Variants in PIWIL2 observed in about 807,000 individuals in gnomAD.
PIWIL2 encodes piwi like RNA-mediated gene silencing 2.
Under a neutral mutation model 116.5 loss-of-function variants are expected in PIWIL2, and 81 were observed. That is an observed-to-expected ratio of 0.70 (90% confidence interval 0.58 to 0.84). The LOEUF is 0.84. PIWIL2 is among the 40% of genes least tolerant of loss of function. PIWIL2 has a pLI of 0.00. For missense variants in PIWIL2, 1,272 were observed against 1,212.3 expected, an observed-to-expected ratio of 1.05 and a Z score of -0.73; for synonymous variants, 489 against 429.5, an observed-to-expected ratio of 1.14 and a Z score of -1.71.
chr8:22,287,557 T>G lies in PIWIL2; in HGVS notation c.773T>G (p.Phe258Cys). The G allele has an allele frequency of 6.2e-7, 1 of 1,613,692 alleles. No homozygotes were observed. Among genetic ancestry groups the G allele is most frequent in the Non-Finnish European group, 8.5e-7 (1 of 1,179,554 alleles). Residue 258 changes from phenylalanine (F) to cysteine (C), a missense_variant, in exon 7 of 23, where the codon TTC becomes TGC. Transcript: ENST00000356766. ...SPNVECKSMR[F>C]GMLKDHQAVT... ...AATGTGGAGTGCAAAAGCATGAGGT[T>G]CGGCATGTTGAAGGACCATCAAGCT...
At chr8:22,342,020 G>A (rs925045307) in intron 20 of PIWIL2, among the ~76,000 whole-genome samples, 2 of 149,376 alleles carry the variant, frequency 1.3e-5, no homozygotes, top group Admixed American at 1.3e-4. Context: ...CTGTGTACCA[G>A]CAGTGAACAA....
chr8:22,308,073 G>C lies in PIWIL2; in HGVS notation c.1686G>C (p.Lys562Asn). ...WGLRLQKDVHKIEGRVLPMER... is the reference protein window; with the variant it reads ...WGLRLQKDVHNIEGRVLPMER... ...TCCGTCTGCAAAAGGATGTACATAA[G>C]GTAAACCAAAAAACGTGATGGTGTA... The change falls in exon 14 of 23, where the codon AAG becomes AAC. Residue 562 changes from lysine to asparagine, a missense_variant and splice_region_variant. By Grantham distance (94) the Lys-to-Asn change is moderately conservative (BLOSUM62 0). Transcript: ENST00000356766. The C allele has an allele frequency of 6.2e-7, 1 of 1,611,806 alleles. No homozygotes were observed. The highest frequency in any genetic ancestry group is 8.5e-7 in the Non-Finnish European group (1 of 1,178,576).
chr8:22,354,514 T>C (rs1180111321), intron 22 of PIWIL2, 136 bp downstream of exon 22: 2 of 537,870 alleles, frequency 3.7e-6, no homozygotes, highest in African/African-American at 3.8e-5. Flanking sequence ...TGGTGTCTTT[T>C]TGAGGAGAGA....
intron 10 of PIWIL2, among the ~76,000 whole-genome samples, chr8:22,292,634 C>T (rs1434578684): frequency 1.3e-5 from 2 of 152,168 alleles, no homozygotes; most frequent in African/African-American, 4.8e-5. Flanking sequence ...CAATTATTGG[C>T]TTTTATTTGG....
At chr8:22,336,545 G>C (rs1441421931) in intron 20 of PIWIL2, among the ~76,000 whole-genome samples, 1 of 152,016 alleles carries the variant, frequency 6.6e-6, no homozygotes, top group Non-Finnish European at 1.5e-5. Flanking sequence ...AAACAAACCA[G>C]CTTCCACCTT....
chr8:22,277,569 G>A (rs1330300022), intron 1 of PIWIL2, among the ~76,000 whole-genome samples: 1 of 151,876 alleles, frequency 6.6e-6, no homozygotes, highest in Non-Finnish European at 1.5e-5. Context: ...ACAGGGTCTC[G>A]TTGTGTTCCT....
chr8:22,295,092 AT>A (rs1830866490), intron 10 of PIWIL2, among the ~76,000 whole-genome samples: 2 of 151,706 alleles, frequency 1.3e-5, no homozygotes, highest in Non-Finnish European at 2.9e-5. Flanking sequence ...GAAAAAAAAA[AT>A]ATTTTTATTT....
At chr8:22,303,548 C>T (rs1448869031) in intron 10 of PIWIL2, among the ~76,000 whole-genome samples, 1 of 152,054 alleles carries the variant, frequency 6.6e-6, no homozygotes, top group Non-Finnish European at 1.5e-5. Context: ...AGGTACGCCA[C>T]TACACCTGGC....
chr8:22,325,918 C>T (rs1473060966), intron 20 of PIWIL2, among the ~76,000 whole-genome samples: 5 of 152,182 alleles, frequency 3.3e-5, no homozygotes, highest in Non-Finnish European at 7.3e-5. Context: ...GTAAGTCCAA[C>T]TTGCCAGCCA....
intron 5 of PIWIL2, 62 bp downstream of exon 5, chr8:22,283,302 C>A: frequency 7.7e-7 from 1 of 1,306,660 alleles, no homozygotes; most frequent in Non-Finnish European, 1.1e-6. Context: ...CATTTTGGCT[C>A]GTGTGTAGTA....
At chr8:22,305,035 C>T (rs539286556) in intron 12 of PIWIL2, among the ~76,000 whole-genome samples, 167 bp downstream of exon 12, 1 of 152,132 alleles carries the variant, frequency 6.6e-6, no homozygotes, top group Admixed American at 6.5e-5. Context: ...GCACCACTCA[C>T]ACTGGTAAGA....
At position 22,288,637 on chromosome 8, in the gene PIWIL2, C is replaced by T. The variant is rs149731272; in HGVS notation, c.957C>T (p.Cys319=). Residue 319 remains cysteine, a synonymous_variant, in exon 8 of 23, where the codon TGC becomes TGT. Coordinates refer to ENST00000356766, the MANE Select transcript of PIWIL2 (RefSeq NM_018068.5). ...TKILEPCSDL[C]IPFYNVVFRR... is the part of the protein sequence containing the mutation. ...TCCTGGAGCCCTGCTCTGACCTGTG[C>T]ATTCCCTTCTACAATGTTGTTTTCC... 18 of 1,612,710 alleles carry T rather than the reference C, an allele frequency of 1.1e-5. No homozygotes were observed. In the African/African-American group the frequency reaches 2.4e-4, roughly 22 times the overall value.
At chr8:22,325,280 C>A (rs1831696166) in intron 20 of PIWIL2, among the ~76,000 whole-genome samples, 1 of 152,034 alleles carries the variant, frequency 6.6e-6, no homozygotes, top group Admixed American at 6.6e-5. Flanking sequence ...AGGCTCTGGC[C>A]CTGTTGAGTG....
intron 20 of PIWIL2, among the ~76,000 whole-genome samples, chr8:22,349,315 T>G (rs902494008): frequency 1.3e-5 from 2 of 150,582 alleles, no homozygotes; most frequent in Non-Finnish European, 3.0e-5. Flanking sequence ...GGCCTTCTAT[T>G]TTTCACTCCA....
rs1320677781 is a variant in PIWIL2, at chr8:22,305,922, C to T, written c.1456-5C>T. On this transcript the variant is annotated splice_region_variant and splice_polypyrimidine_tract_variant and intron_variant, in intron 12 of 22. Coordinates refer to ENST00000356766, the MANE Select transcript of PIWIL2 (RefSeq NM_018068.5). ...TTATTTTCCCTCTTCGTTCTCTCTT[C>T]AAAGCTGCTAAAAGGGGAAATCCTG... 3 of 1,611,210 alleles carry T rather than the reference C, an allele frequency of 1.9e-6. No homozygotes were observed. The South Asian group carries it at 3.3e-5, about 18-fold the overall frequency.
intron 20 of PIWIL2, among the ~76,000 whole-genome samples, chr8:22,320,248 G>T (rs1249411807): frequency 1.4e-5 from 2 of 145,106 alleles, no homozygotes; most frequent in Non-Finnish European, 3.0e-5. Flanking sequence ...GGTGTGAGCT[G>T]CTGCGCCCGG....
intron 1 of PIWIL2, among the ~76,000 whole-genome samples, chr8:22,277,431 A>G (rs983096397): frequency 2.0e-5 from 3 of 152,198 alleles, no homozygotes; most frequent in African/African-American, 7.2e-5. Context: ...TGTTAAATGC[A>G]ACCTGTGAGA....
intron 20 of PIWIL2, chr8:22,321,961 ATC>A: frequency 2.0e-6 from 2 of 984,828 alleles, no homozygotes; most frequent in Non-Finnish European, 2.4e-6. Flanking sequence ...TCCATTCTAA[ATC>A]TCTCACTTGT....
intron 22 of PIWIL2, among the ~76,000 whole-genome samples, chr8:22,354,785 G>A (rs1832452247): frequency 6.6e-6 from 1 of 152,128 alleles, no homozygotes; most frequent in Non-Finnish European, 1.5e-5. Context: ...TATAAAAACA[G>A]GAGGCTGGGT....
Sources: allele counts gnomAD v4.1 joint callset (sites outside exome capture counted in the v4.1 genomes callset), GRCh38; gene constraint gnomAD v4.1.1; transcripts MANE v1.5; gene names NCBI Gene and HGNC (gene_info 2026-07-23, HGNC 2026-07-21).